Variants in HECTD2 observed in about 807,000 individuals in gnomAD.
HECTD2 encodes probable E3 ubiquitin-protein ligase HECTD2.
In HECTD2, 35 loss-of-function variants were observed where a neutral mutation model predicts 103.2. The observed-to-expected ratio is 0.34, with a 90% CI of 0.26 to 0.45. The LOEUF (loss-of-function observed/expected upper bound fraction) is 0.45, where lower values mean the gene tolerates loss of function less well. HECTD2 is among the 20% of genes least tolerant of loss of function. The pLI, the probability that HECTD2 is intolerant of heterozygous loss-of-function variation, is 1.00. For missense variants in HECTD2, 596 were observed against 937.4 expected (o/e 0.64, Z 4.76); for synonymous variants, 281 against 329.9 (o/e 0.85, Z 1.61).
intron 6 of HECTD2, among the ~76,000 whole-genome samples, chr10:91,480,503 A>G (rs1846053870): frequency 6.6e-6 from 1 of 151,980 alleles, no homozygotes; most frequent in African/African-American, 2.4e-5. Flanking sequence ...ATCTGTGAGA[A>G]TGTACCAAAT....
At chr10:91,484,176 C>CT in intron 8 of HECTD2, 1 of 566,770 alleles carries the variant, frequency 1.8e-6, no homozygotes, top group East Asian at 2.9e-5. Context: ...ACCATGAAAA[C>CT]ACAAGTATTG....
At chr10:91,486,137 C>T (rs1272142298) in intron 10 of HECTD2, 4 of 152,016 alleles carry the variant, frequency 2.6e-5, no homozygotes, top group Non-Finnish European at 5.9e-5. Flanking sequence ...AACCTCAAAA[C>T]CCCAGATTAG....
In HECTD2 at chr10:91,512,686, A is replaced by G. The variant is rs1847468951; in HGVS notation, c.*302A>G. 1 of 272,592 alleles carries G rather than the reference A, an allele frequency of 3.7e-6. No homozygotes were observed. The highest frequency in any genetic ancestry group is 2.2e-5 in the African/African-American group (1 of 44,772). 16.9% of individuals were successfully genotyped at this position (272,592 alleles called of 1,614,324 possible). A position where few individuals can be genotyped will look rare whatever the true frequency, so the allele number is the denominator to read the frequency against. On this transcript the variant is annotated 3_prime_UTR_variant, in exon 21 of 21. Coordinates refer to ENST00000298068, the MANE Select transcript of HECTD2 (RefSeq NM_182765.6). ...AGTTTGTCACAGGCATTCCACTGGG[A>G]AAGCAAAGTACAGTGAAGAATGAAT...
chr10:91,504,742 G>A (rs1847073939), intron 20 of HECTD2, among the ~76,000 whole-genome samples: 1 of 151,820 alleles, frequency 6.6e-6, no homozygotes, highest in Admixed American at 6.5e-5. Context: ...ATCTAGCAAG[G>A]CAGGCCAACA....
At chr10:91,476,461 T>C (rs901590696) in intron 5 of HECTD2, among the ~76,000 whole-genome samples, 1 of 152,144 alleles carries the variant, frequency 6.6e-6, no homozygotes, top group African/African-American at 2.4e-5. Context: ...CCTGATGGAC[T>C]GGGAAGTCTT....
At chr10:91,469,584 T>A (rs917967597) in intron 5 of HECTD2, among the ~76,000 whole-genome samples, 1 of 152,194 alleles carries the variant, frequency 6.6e-6, no homozygotes, top group African/African-American at 2.4e-5. Context: ...AAACCTGCCT[T>A]ACAAGAAATC....
intron 2 of HECTD2, among the ~76,000 whole-genome samples, chr10:91,454,140 A>C (rs1844964003): frequency 6.6e-6 from 1 of 152,132 alleles, no homozygotes; most frequent in Non-Finnish European, 1.5e-5. Flanking sequence ...AAAATCAACA[A>C]GTATGTAGAA....
intron 5 of HECTD2, chr10:91,462,509 T>C (rs1845391216): frequency 9.1e-7 from 1 of 1,098,426 alleles, no homozygotes; most frequent in East Asian, 3.7e-5. Flanking sequence ...TCTTAAACAT[T>C]AGCCTGTATC....
intron 2 of HECTD2, among the ~76,000 whole-genome samples, chr10:91,440,598 A>G (rs1844372070): frequency 7.3e-6 from 1 of 137,474 alleles, no homozygotes; most frequent in Non-Finnish European, 1.6e-5. Context: ...TCATAAAGTG[A>G]GTTAGGGAGG....
intron 5 of HECTD2, among the ~76,000 whole-genome samples, chr10:91,474,254 A>G (rs982922178): frequency 2.6e-5 from 4 of 152,328 alleles, no homozygotes; most frequent in South Asian, 2.1e-4. Context: ...ACAAAAAATA[A>G]GATTGCAGAA....
chr10:91,462,828 T>C, intron 5 of HECTD2: 3 of 912,164 alleles, frequency 3.3e-6, no homozygotes, highest in Non-Finnish European at 3.9e-6. Flanking sequence ...TGTGAAAAAT[T>C]GACATCTTTT....
At chr10:91,465,361 T>C (rs1255285202) in intron 5 of HECTD2, among the ~76,000 whole-genome samples, 1 of 152,138 alleles carries the variant, frequency 6.6e-6, no homozygotes. Flanking sequence ...CCCTGTGCAC[T>C]GAAAGGGCCT....
chr10:91,410,946 GTGCC>G (rs946422515), intron 1 of HECTD2, among the ~76,000 whole-genome samples: 3 of 152,110 alleles, frequency 2.0e-5, no homozygotes, highest in South Asian at 2.1e-4. Flanking sequence ...TTCCACGGAG[GTGCC>G]TGCCTGCCTG....
rs532922014 is a variant in HECTD2, at chr10:91,428,538, C to A, written c.268+3128C>A. On this transcript the variant is annotated intron_variant, in intron 2 of 20. Coordinates refer to ENST00000298068, the MANE Select transcript of HECTD2 (RefSeq NM_182765.6). ...GGAATGTTCTTCCATTTGTTTATAT[C>A]CTCTTTTATTTCATTGAGCAGTGGT... is the stretch of plus-strand genomic sequence containing the variant. 1.4e-3 allele frequency among the ~76,000 whole-genome samples: 216 copies of A among 152,218 alleles called. 3 individuals are homozygous for A. The East Asian group carries it at 0.039, about 27-fold the overall frequency.
At chr10:91,451,901 C>A (rs1310415324) in intron 2 of HECTD2, among the ~76,000 whole-genome samples, 1 of 151,938 alleles carries the variant, frequency 6.6e-6, no homozygotes, top group Non-Finnish European at 1.5e-5. Flanking sequence ...GAATTAAATT[C>A]TATATATGTA....
chr10:91,433,617 AT>A (rs1274324132), intron 2 of HECTD2, among the ~76,000 whole-genome samples: 1 of 151,898 alleles, frequency 6.6e-6, no homozygotes, highest in Non-Finnish European at 1.5e-5. Flanking sequence ...TGTGTTCATT[AT>A]TTTGTTATTG....
chr10:91,431,530 A>T (rs1843869392), intron 2 of HECTD2, among the ~76,000 whole-genome samples: 1 of 152,092 alleles, frequency 6.6e-6, no homozygotes, highest in Non-Finnish European at 1.5e-5. Flanking sequence ...TCAGACGCAG[A>T]TTTGGTTTGT....
intron 1 of HECTD2, among the ~76,000 whole-genome samples, chr10:91,421,406 T>G (rs1843353644): frequency 1.3e-5 from 2 of 152,228 alleles, no homozygotes; most frequent in Non-Finnish European, 2.9e-5. Context: ...TTATCAGTTG[T>G]GTCCAATCTT....
At chr10:91,502,722 A>T (rs1226600861) in intron 20 of HECTD2, among the ~76,000 whole-genome samples, 2 of 152,168 alleles carry the variant, frequency 1.3e-5, no homozygotes, top group African/African-American at 2.4e-5. Context: ...TTAATTTTTC[A>T]GAATATTTTA....
Sources: allele counts gnomAD v4.1 joint callset (sites outside exome capture counted in the v4.1 genomes callset), GRCh38; gene constraint gnomAD v4.1.1; transcripts MANE v1.5; gene names NCBI Gene and HGNC (gene_info 2026-07-23, HGNC 2026-07-21).